The following CA10 variants were observed in gnomAD, a reference collection of about 807,000 sequenced individuals.
CA10 encodes the protein carbonic anhydrase-related protein 10.
In CA10, 14 loss-of-function variants were observed where a neutral mutation model predicts 44.2. The ratio of observed to expected loss-of-function variants is 0.32; its 90% CI spans 0.21 to 0.50. The LOEUF (loss-of-function observed/expected upper bound fraction) is 0.50, where lower values mean the gene tolerates loss of function less well. Ranked by LOEUF, CA10 falls within the 20% of genes least tolerant of loss-of-function variation. The pLI, the probability that CA10 is intolerant of heterozygous loss-of-function variation, is 0.99. For missense variants in CA10, 350 were observed against 409.7 expected (o/e 0.85, Z 1.26); for synonymous variants, 159 against 141.6 (o/e 1.12, Z -0.87).
intron 2 of CA10, among the ~76,000 whole-genome samples, chr17:51,940,807 T>A (rs936700281): frequency 6.6e-6 from 1 of 152,096 alleles, no homozygotes; most frequent in African/African-American, 2.4e-5. Context: ...TGCCCTGACT[T>A]AAGCCAAACA....
chr17:51,947,724 A>G lies in CA10; in HGVS notation c.137-16592T>C, dbSNP rs567144751. ...TCTTGTAGCACCATGTGCAGGGGCC[A>G]TGGTGCACTTAGCACACCTTGACAA... On this transcript the variant is annotated intron_variant, in intron 2 of 8. Coordinates refer to ENST00000451037, the MANE Select transcript of CA10 (RefSeq NM_020178.5). Among the ~76,000 whole-genome samples the G allele has an allele frequency of 1.3e-3, 201 of 152,084 alleles. 1 individual carries two copies. Among genetic ancestry groups the G allele is most frequent in the Non-Finnish European group, 2.3e-3 (156 of 68,020 alleles).
intron 4 of CA10, among the ~76,000 whole-genome samples, chr17:51,668,268 G>T (rs577808882): frequency 6.6e-6 from 1 of 152,348 alleles, no homozygotes; most frequent in South Asian, 2.1e-4. Context: ...ACCAGGGAGG[G>T]GCGATTTCAA....
intron 4 of CA10, among the ~76,000 whole-genome samples, chr17:51,729,125 T>C (rs1916625625): frequency 6.6e-6 from 1 of 152,052 alleles, no homozygotes; most frequent in African/African-American, 2.4e-5. Flanking sequence ...GTCCCAACAC[T>C]GGCCCACACA....
At chr17:51,777,287 A>G (rs1279732803) in intron 3 of CA10, among the ~76,000 whole-genome samples, 1 of 152,206 alleles carries the variant, frequency 6.6e-6, no homozygotes, top group African/African-American at 2.4e-5. Context: ...TGGCTTTGAG[A>G]TGGGCCAGCT....
intron 1 of CA10, among the ~76,000 whole-genome samples, chr17:52,126,120 G>T (rs1989113275): frequency 6.6e-6 from 1 of 152,148 alleles, no homozygotes; most frequent in Non-Finnish European, 1.5e-5. Context: ...AGTGGTAAGT[G>T]TTATGTGAAA....
chr17:51,765,263 C>T (rs1037939791), intron 3 of CA10, among the ~76,000 whole-genome samples: 6 of 152,110 alleles, frequency 3.9e-5, no homozygotes, highest in African/African-American at 1.4e-4. Flanking sequence ...TCTATCTCAT[C>T]GTGGGCTGTT....
intron 3 of CA10, among the ~76,000 whole-genome samples, chr17:51,776,458 T>C (rs777464372): frequency 4.6e-5 from 7 of 152,178 alleles, no homozygotes; most frequent in Admixed American, 2.0e-4. Context: ...TTTAAGAATA[T>C]AGACCATTTA....
At chr17:51,947,334 G>A (rs549296961) in intron 2 of CA10, among the ~76,000 whole-genome samples, 29 of 151,586 alleles carry the variant, frequency 1.9e-4, no homozygotes, top group Non-Finnish European at 4.0e-4. Flanking sequence ...TACAGTGAAT[G>A]GGAGAGCCTC....
At chr17:52,155,166 C>T (rs1046297636) in intron 1 of CA10, among the ~76,000 whole-genome samples, 3 of 152,230 alleles carry the variant, frequency 2.0e-5, no homozygotes, top group African/African-American at 7.2e-5. Context: ...GAAGCCAACT[C>T]TATCAATGCT....
At chr17:52,037,905 ACCTACTACTAT>A (rs768492039) in intron 2 of CA10, among the ~76,000 whole-genome samples, 93 of 151,882 alleles carry the variant, frequency 6.1e-4, no homozygotes, top group Admixed American at 9.2e-4. Flanking sequence ...TATCTTGCCC[ACCTACTACTAT>A]CCTCTGGCCC....
intron 2 of CA10, among the ~76,000 whole-genome samples, chr17:51,940,913 A>G (rs1010095068): frequency 2.0e-5 from 3 of 152,142 alleles, no homozygotes; most frequent in African/African-American, 7.2e-5. Flanking sequence ...GTGATAGTGA[A>G]AAATCAAAAC....
chr17:51,875,268 T>C (rs898980172), intron 3 of CA10, among the ~76,000 whole-genome samples: 2 of 152,104 alleles, frequency 1.3e-5, no homozygotes, highest in African/African-American at 4.8e-5. Flanking sequence ...ATACTGGCCT[T>C]CCAAAGTGCT....
intron 3 of CA10, among the ~76,000 whole-genome samples, chr17:51,882,329 A>G (rs7222351): frequency 0.11 from 16,424 of 152,044 alleles, 2,128 homozygotes; most frequent in African/African-American, 0.31. Flanking sequence ...TTTCCCAGTT[A>G]ATCATTTGAA....
intron 2 of CA10, among the ~76,000 whole-genome samples, chr17:51,932,094 G>C (rs961848902): frequency 2.0e-5 from 3 of 151,988 alleles, no homozygotes; most frequent in African/African-American, 7.2e-5. Context: ...CACGCACTGG[G>C]TTAGGCTGAA....
intron 3 of CA10, among the ~76,000 whole-genome samples, chr17:51,795,240 T>C (rs1051604846): frequency 3.3e-5 from 5 of 152,158 alleles, no homozygotes; most frequent in Admixed American, 6.5e-5. Flanking sequence ...GCTTGATCCA[T>C]ACTCAAAGCT....
intron 2 of CA10, among the ~76,000 whole-genome samples, chr17:51,950,947 C>T (rs189392078): frequency 3.9e-5 from 6 of 152,170 alleles, no homozygotes; most frequent in Admixed American, 3.9e-4. Flanking sequence ...CAGGTACCTG[C>T]CAAATACATA....
intron 3 of CA10, among the ~76,000 whole-genome samples, chr17:51,886,998 G>A (rs1373745102): frequency 6.6e-6 from 1 of 152,042 alleles, no homozygotes; most frequent in African/African-American, 2.4e-5. Context: ...TTGGACTTGG[G>A]ACTGAATCAC....
chr17:51,759,235 G>A (rs1030222135), intron 3 of CA10, among the ~76,000 whole-genome samples: 2 of 151,858 alleles, frequency 1.3e-5, no homozygotes, highest in African/African-American at 4.8e-5. Flanking sequence ...GGTACCAGCT[G>A]ATTGATTAGC....
At chr17:51,994,413 T>C (rs2144109043) in intron 2 of CA10, among the ~76,000 whole-genome samples, 1 of 152,232 alleles carries the variant, frequency 6.6e-6, no homozygotes, top group East Asian at 1.9e-4. Flanking sequence ...GTTTCTTTTC[T>C]AGGCTTTAAT....
Sources: allele counts gnomAD v4.1 joint callset (sites outside exome capture counted in the v4.1 genomes callset), GRCh38; gene constraint gnomAD v4.1.1; transcripts MANE v1.5; gene names NCBI Gene and HGNC (gene_info 2026-07-23, HGNC 2026-07-21).